The following RSPO2 variants were observed in gnomAD, a reference collection of about 807,000 sequenced individuals.
The protein encoded by RSPO2 is R-spondin-2.
RSPO2 carries 14 observed loss-of-function variants against 30.9 expected under a neutral mutation model. The observed-to-expected ratio is 0.45, with a 90% CI of 0.30 to 0.71. The LOEUF is 0.71. Ranked by LOEUF, RSPO2 falls within the 30% of genes least tolerant of loss-of-function variation. The probability of loss-of-function intolerance (pLI) is 0.08; values close to 1 mark genes in which losing one functional copy is unlikely to be tolerated. For missense variants in RSPO2, 264 were observed against 301.9 expected, an observed-to-expected ratio of 0.87 and a Z score of 0.93; for synonymous variants, 107 against 96.4, an observed-to-expected ratio of 1.11 and a Z score of -0.64.
At chr8:108,024,114 T>C (rs1811132568) in intron 2 of RSPO2, among the ~76,000 whole-genome samples, 3 of 141,484 alleles carry the variant, frequency 2.1e-5, no homozygotes, top group African/African-American at 8.3e-5. Context: ...TCAAAAGAAA[T>C]AAAAGAGGGT....
chr8:108,022,993 G>A (rs2130615766), intron 2 of RSPO2, among the ~76,000 whole-genome samples: 1 of 149,370 alleles, frequency 6.7e-6, no homozygotes, highest in East Asian at 2.0e-4. Context: ...AAATAAAGGA[G>A]ACCCAAGAGA....
chr8:107,993,278 C>A (rs891899737), intron 2 of RSPO2, among the ~76,000 whole-genome samples: 2 of 152,014 alleles, frequency 1.3e-5, no homozygotes, highest in African/African-American at 4.8e-5. Context: ...GTGACAGCTA[C>A]AAAAGATGTA....
At chr8:108,063,498 A>G (rs1180462639) in intron 2 of RSPO2, among the ~76,000 whole-genome samples, 6 of 151,974 alleles carry the variant, frequency 3.9e-5, no homozygotes, top group Non-Finnish European at 8.8e-5. Context: ...CTCTTCAAGG[A>G]GAACTACAAA....
At chr8:108,049,305 T>G (rs758331943) in intron 2 of RSPO2, among the ~76,000 whole-genome samples, 39 of 152,108 alleles carry the variant, frequency 2.6e-4, no homozygotes, top group Non-Finnish European at 5.3e-4. Context: ...TTCATTTTCA[T>G]CTACCTGGAA....
chr8:108,056,103 C>A (rs1306650154), intron 2 of RSPO2, among the ~76,000 whole-genome samples: 2 of 152,140 alleles, frequency 1.3e-5, no homozygotes, highest in Non-Finnish European at 2.9e-5. Context: ...ACTATGCTTG[C>A]CTGCAGAGAT....
chr8:108,009,875 C>T (rs914898253), intron 2 of RSPO2, among the ~76,000 whole-genome samples: 7 of 151,946 alleles, frequency 4.6e-5, no homozygotes, highest in African/African-American at 1.7e-4. Flanking sequence ...CATGGCAAAA[C>T]TCCATCTCTA....
chr8:108,081,672 C>G (rs28561816), intron 2 of RSPO2, among the ~76,000 whole-genome samples: 1 of 152,148 alleles, frequency 6.6e-6, no homozygotes, highest in African/African-American at 2.4e-5. Flanking sequence ...CGCACTAAAT[C>G]TGCAGGAAAG....
chr8:107,981,927 G>C (rs1440623922), intron 3 of RSPO2, among the ~76,000 whole-genome samples: 1 of 150,834 alleles, frequency 6.6e-6, no homozygotes, highest in Non-Finnish European at 1.5e-5. Context: ...CCAGCTACTG[G>C]GGAGGCTGTA....
At chr8:107,951,708 G>A (rs1813254238) in intron 5 of RSPO2, among the ~76,000 whole-genome samples, 1 of 152,096 alleles carries the variant, frequency 6.6e-6, no homozygotes, top group African/African-American at 2.4e-5. Context: ...ACAAAGGTGT[G>A]TCTTCCTCCA....
At chr8:108,069,039 C>G (rs1032175970) in intron 2 of RSPO2, among the ~76,000 whole-genome samples, 5 of 152,168 alleles carry the variant, frequency 3.3e-5, no homozygotes, top group Non-Finnish European at 7.3e-5. Context: ...AGGCTAAGAG[C>G]CTTCATCTGG....
intron 5 of RSPO2, among the ~76,000 whole-genome samples, chr8:107,907,689 A>C (rs1208837735): frequency 6.6e-6 from 1 of 152,122 alleles, no homozygotes; most frequent in East Asian, 1.9e-4. Context: ...CAAATGTGAC[A>C]ATCATTCAGA....
chr8:107,994,559 C>T (rs1272355576), intron 2 of RSPO2, among the ~76,000 whole-genome samples: 2 of 151,972 alleles, frequency 1.3e-5, no homozygotes, highest in Non-Finnish European at 2.9e-5. Context: ...AATACTCTTT[C>T]CTATAGCTGG....
rs7000277 is a variant in RSPO2 at position 108,005,986 on chromosome 8, C to A, written c.95-16742G>T. Among the ~76,000 whole-genome samples, 813 of 152,236 alleles carry A rather than the reference C, an allele frequency of 5.3e-3. 7 individuals carry two copies. Among genetic ancestry groups the A allele is most frequent in the African/African-American group, 0.018 (767 of 41,542 alleles). On this transcript the variant is annotated intron_variant, in intron 2 of 5. Coordinates refer to ENST00000276659, the MANE Select transcript of RSPO2 (RefSeq NM_178565.5). ...AAAGGAGTCACTCAATACTTGAATA[C>A]AAGGAAGAACTGTTAATACAGAAAT...
intron 3 of RSPO2, among the ~76,000 whole-genome samples, chr8:107,961,554 A>T (rs1470379213): frequency 6.6e-6 from 1 of 152,130 alleles, no homozygotes; most frequent in Non-Finnish European, 1.5e-5. Context: ...TAACTCGCTC[A>T]CTGCAGTCCA....
intron 2 of RSPO2, among the ~76,000 whole-genome samples, chr8:108,041,848 G>A (rs1382720039): frequency 2.0e-5 from 3 of 152,048 alleles, no homozygotes; most frequent in Admixed American, 1.3e-4. Context: ...GCAGCAGGGG[G>A]TTGGCATCAC....
At chr8:107,926,730 G>A (rs1168258927) in intron 5 of RSPO2, among the ~76,000 whole-genome samples, 1 of 152,002 alleles carries the variant, frequency 6.6e-6, no homozygotes, top group Non-Finnish European at 1.5e-5. Context: ...AGTTCTGAGG[G>A]CTCTGTTCTG....
intron 3 of RSPO2, among the ~76,000 whole-genome samples, chr8:107,962,214 T>TA (rs148738465): frequency 0.023 from 3,432 of 148,880 alleles, 85 homozygotes; most frequent in East Asian, 0.11. Flanking sequence ...GATAAAGGGG[T>TA]AAAAAAAAAA....
intron 2 of RSPO2, among the ~76,000 whole-genome samples, chr8:108,069,426 A>G (rs1812774575): frequency 6.6e-6 from 1 of 152,078 alleles, no homozygotes; most frequent in South Asian, 2.1e-4. Context: ...GTTGGCCAGG[A>G]TGGTCGCAAT....
At position 107,989,148 on chromosome 8, in the gene RSPO2, C is replaced by G. The variant is rs182334537; in HGVS notation, c.191G>C (p.Arg64Pro). The G allele has an allele frequency of 6.2e-7, 1 of 1,612,184 alleles. No homozygotes were observed. Among genetic ancestry groups the G allele is most frequent in the Non-Finnish European group, 8.5e-7 (1 of 1,179,476 alleles). The change falls in exon 3 of 6, where the codon CGA becomes CCA. Residue 64 changes from arginine (R) to proline (P), a missense_variant. Physicochemically the swap from Arg to Pro is moderately radical, Grantham distance 103. Coordinates refer to ENST00000276659, the MANE Select transcript of RSPO2 (RefSeq NM_178565.5). ...TCCATACTGGCGCATCCCTTCTCTT[C>G]GAAGGAAGAAGAACAACTTCTGTTG... is the stretch of plus-strand genomic sequence containing the variant. ...RCQQKLFFFLRREGMRQYGEC... is the reference protein window; with the variant it reads ...RCQQKLFFFLPREGMRQYGEC...
Sources: gnomAD v4.1 joint callset for allele counts (sites outside exome capture counted in the v4.1 genomes callset) on GRCh38, gnomAD v4.1.1 for gene constraint, MANE v1.5 for transcripts, NCBI Gene and HGNC (gene_info 2026-07-23, HGNC 2026-07-21) for gene names.